Variants in FAM153A observed in about 807,000 individuals in gnomAD.
FAM153A encodes family with sequence similarity 153 member A, also known as protein FAM153A.
Under a neutral mutation model 48.1 loss-of-function variants are expected in FAM153A, and 12 were observed. That is an observed-to-expected ratio of 0.25 (90% confidence interval 0.16 to 0.40). The LOEUF is 0.40. Among genes scored for constraint, FAM153A ranks in the 10% least tolerant of loss-of-function variants. The pLI is 1.00. For synonymous variants in FAM153A, 36 were observed against 118.2 expected (o/e 0.30, Z 4.51); for missense variants, 111 against 345.8 (o/e 0.32, Z 5.38).
At chr5:177,701,593 A>ATAAAGT in the FAM153A span, among the ~76,000 whole-genome samples, 1 of 150,504 alleles carries the variant, frequency 6.6e-6, no homozygotes, top group Admixed American at 6.6e-5. Flanking sequence ...TAAAAAATAA[A>ATAAAGT]TAAAATTACC....
At chr5:177,723,085 A>G (rs1364523656), downstream of FAM153A, 3 of 141,768 alleles carry the variant, frequency 2.1e-5, no homozygotes, top group African/African-American at 7.7e-5. Flanking sequence ...CTTCCTGGAG[A>G]AGAGCTGCAC....
intron 10 of FAM153A, among the ~76,000 whole-genome samples, chr5:177,738,840 A>G (rs1283449137): frequency 6.6e-6 from 1 of 151,698 alleles, no homozygotes; most frequent in African/African-American, 2.4e-5. Context: ...CCTCCCAAAG[A>G]CATTCATAAT....
chr5:177,705,831 T>C (rs1316705474), downstream of FAM153A, among the ~76,000 whole-genome samples: 1 of 151,338 alleles, frequency 6.6e-6, no homozygotes, highest in East Asian at 1.9e-4. Context: ...AGCTAATTTT[T>C]GTATTTTTAG....
At chr5:177,753,011 G>A (rs4499846) in intron 1 of FAM153A, among the ~76,000 whole-genome samples, 67,455 of 130,570 alleles carry the variant, frequency 0.52, 15,682 homozygotes, top group East Asian at 0.56. Context: ...CTTGATAGAA[G>A]AATAAAAAAA....
At chr5:177,708,914 A>G (rs1490654131), downstream of FAM153A, among the ~76,000 whole-genome samples, 3 of 151,266 alleles carry the variant, frequency 2.0e-5, no homozygotes, top group Non-Finnish European at 2.9e-5. Context: ...CCAACATGGT[A>G]AAACCCCGTC....
At chr5:177,697,172 G>A in the FAM153A span, among the ~76,000 whole-genome samples, 2 of 150,706 alleles carry the variant, frequency 1.3e-5, no homozygotes, top group South Asian at 2.1e-4. Context: ...TGCATTTTTT[G>A]TAAAATTTAT....
At chr5:177,706,860 A>G (rs917875639), downstream of FAM153A, 1 of 152,002 alleles carries the variant, frequency 6.6e-6, no homozygotes, top group African/African-American at 2.4e-5. Context: ...AATGAAGATG[A>G]TAAGAAATGA....
At chr5:177,716,492 T>A (rs1223741665) in intron 24 of FAM153A, 1 of 151,860 alleles carries the variant, frequency 6.6e-6, no homozygotes, top group Non-Finnish European at 1.5e-5. Context: ...CTAAATTACA[T>A]GAAGGGGGTT....
upstream of FAM153A, chr5:177,783,385 C>T (rs1322153848): frequency 7.7e-5 from 8 of 103,776 alleles, no homozygotes; most frequent in African/African-American, 3.0e-4. Flanking sequence ...CGAAGCCGAC[C>T]GCCTGACTTT....
chr5:177,703,615 G>A (rs1325074271), downstream of FAM153A, among the ~76,000 whole-genome samples: 99 of 134,516 alleles, frequency 7.4e-4, no homozygotes, highest in South Asian at 2.3e-3. Flanking sequence ...GCATGGTGGG[G>A]GGTGATTGGA....
At chr5:177,723,104 T>C (rs1389227919), downstream of FAM153A, 1 of 140,872 alleles carries the variant, frequency 7.1e-6, no homozygotes, top group East Asian at 2.1e-4. Context: ...ACGTTGAACA[T>C]GCATAGCTTC....
chr5:177,716,017 C>T (rs1019481548), intron 25 of FAM153A, among the ~76,000 whole-genome samples: 1 of 148,234 alleles, frequency 6.7e-6, no homozygotes, highest in African/African-American at 2.5e-5. Flanking sequence ...TGGAGTCTTG[C>T]TCTGTTGCCA....
chr5:177,712,153 A>AT (rs1176154455), exon 27 of FAM153A: 1 of 151,866 alleles, frequency 6.6e-6, no homozygotes, highest in South Asian at 2.1e-4. Context: ...AACAAAGAAA[A>AT]TACACAAGAG....
chr5:177,750,114 A>G (rs1766643703), intron 2 of FAM153A: 1 of 150,918 alleles, frequency 6.6e-6, no homozygotes, highest in African/African-American at 2.5e-5. Context: ...TTACATGTAT[A>G]TTGCTAAGTA....
chr5:177,730,288 G>T (rs1332932427), intron 16 of FAM153A, among the ~76,000 whole-genome samples: 4 of 121,394 alleles, frequency 3.3e-5, no homozygotes, highest in African/African-American at 1.1e-4. Flanking sequence ...GGAGATTCCT[G>T]CAGGGAAAAT....
chr5:177,768,688 T>C (rs1274807905), intron 1 of FAM153A, among the ~76,000 whole-genome samples: 475 of 109,552 alleles, frequency 4.3e-3, no homozygotes, highest in African/African-American at 0.017. Context: ...AAAGAGGTCA[T>C]AAGTTTTAGT....
chr5:177,730,724 C>G (rs1763685164), intron 16 of FAM153A, among the ~76,000 whole-genome samples: 1 of 145,564 alleles, frequency 6.9e-6, no homozygotes, highest in African/African-American at 2.6e-5. Context: ...CATTAACCTT[C>G]CACTCATCCC....
At chr5:177,703,436 C>T (rs1430737185), downstream of FAM153A, among the ~76,000 whole-genome samples, 3 of 151,016 alleles carry the variant, frequency 2.0e-5, no homozygotes, top group African/African-American at 7.4e-5. Context: ...TTTTACAGAC[C>T]TATAGGTGGA....
At chr5:177,717,692 C>T (rs1237877575), downstream of FAM153A, among the ~76,000 whole-genome samples, 2 of 131,004 alleles carry the variant, frequency 1.5e-5, no homozygotes, top group African/African-American at 3.1e-5. Flanking sequence ...GCGGTAAGTA[C>T]ACAACACTGC....
Sources: gnomAD v4.1 joint callset for allele counts (sites outside exome capture counted in the v4.1 genomes callset) on GRCh38, gnomAD v4.1.1 for gene constraint, MANE v1.5 for transcripts, NCBI Gene and HGNC (gene_info 2026-07-23, HGNC 2026-07-21) for gene names.